Variants in PECR observed in about 807,000 individuals in gnomAD.
The protein encoded by PECR is peroxisomal trans-2-enoyl-CoA reductase.
Under a neutral mutation model 35.3 loss-of-function variants are expected in PECR, and 30 were observed. That is an observed-to-expected ratio of 0.85 (90% CI 0.64 to 1.15). The LOEUF is 1.15. PECR is among the 50% of genes most tolerant of loss of function. The pLI is 0.00. For missense variants in PECR, 392 were observed against 370.8 expected (o/e 1.06, Z -0.47); for synonymous variants, 148 against 138.9 (o/e 1.07, Z -0.46).
chr2:216,029,553 T>TC (rs1694648547), intron 7 of PECR, among the ~76,000 whole-genome samples: 1 of 152,142 alleles, frequency 6.6e-6, no homozygotes, highest in Admixed American at 6.5e-5. Context: ...CTTATGCACC[T>TC]CCCCCTGCCT....
At chr2:216,060,310 A>G (rs1421476133) in intron 3 of PECR, among the ~76,000 whole-genome samples, 1 of 152,132 alleles carries the variant, frequency 6.6e-6, no homozygotes, top group Non-Finnish European at 1.5e-5. Context: ...GAAAATGTCT[A>G]CAAGTAATGA....
chr2:216,079,978 T>A (rs1385347927), intron 1 of PECR, among the ~76,000 whole-genome samples: 2 of 141,970 alleles, frequency 1.4e-5, no homozygotes, highest in African/African-American at 2.6e-5. Context: ...CGAAACTCCA[T>A]CTCAAAAAAA....
intron 5 of PECR, 50 bp from the exon 6 acceptor site, chr2:216,049,423 T>G (rs1357086900): frequency 4.9e-6 from 4 of 809,752 alleles, no homozygotes; most frequent in South Asian, 1.5e-5. Flanking sequence ...TATATTAAAT[T>G]TTAATTATAA....
At chr2:216,073,899 CAGA>C (rs1266054761) in intron 1 of PECR, among the ~76,000 whole-genome samples, 3 of 152,290 alleles carry the variant, frequency 2.0e-5, no homozygotes, top group East Asian at 1.9e-4. Flanking sequence ...ATGTATTTCT[CAGA>C]AGATTTCCCT....
chr2:216,075,938 T>G (rs951302073), intron 1 of PECR, among the ~76,000 whole-genome samples: 11 of 152,204 alleles, frequency 7.2e-5, no homozygotes, highest in Admixed American at 6.5e-4. Context: ...AATGATTAAC[T>G]TGAAGATAAA....
intron 4 of PECR, among the ~76,000 whole-genome samples, chr2:216,055,005 G>A (rs1559212357): frequency 6.6e-6 from 1 of 151,790 alleles, no homozygotes; most frequent in East Asian, 1.9e-4. Flanking sequence ...CCAGCTACAT[G>A]GGAGGCTGAG....
chr2:216,035,286 C>T (rs552831109), downstream of PECR, among the ~76,000 whole-genome samples: 1 of 152,280 alleles, frequency 6.6e-6, no homozygotes, highest in East Asian at 1.9e-4. Context: ...AGCTTCCCAG[C>T]ACCTCCCTCA....
At chr2:216,059,329 A>C (rs1396881443) in intron 3 of PECR, among the ~76,000 whole-genome samples, 7 of 152,218 alleles carry the variant, frequency 4.6e-5, no homozygotes, top group African/African-American at 1.7e-4. Flanking sequence ...CGAAAATCTA[A>C]TGTAAAGTGA....
In PECR at chr2:216,066,437, G is replaced by C. The variant is rs763611417; in HGVS notation, c.206C>G (p.Thr69Arg). Reference protein sequence around the residue: ...ADELQANLPPTKQARVIPIQC... With the variant: ...ADELQANLPPRKQARVIPIQC... ...TATGGGAATGACTCGTGCCTGCTTT[G>C]TGGGAGGTAGGTTGGCCTGCAGTTC... Residue 69 changes from threonine to arginine, a missense_variant, in exon 2 of 8, where the codon ACA becomes AGA. Coordinates refer to ENST00000265322, the MANE Select transcript of PECR (RefSeq NM_018441.6). 3 of 1,613,534 alleles carry C rather than the reference G, an allele frequency of 1.9e-6. No individual in the cohort carries two copies. The Admixed American group carries it at 5.0e-5, about 27-fold the overall frequency.
intron 4 of PECR, chr2:216,057,953 C>A (rs1227155254): frequency 2.6e-5 from 4 of 152,148 alleles, no homozygotes; most frequent in Admixed American, 2.6e-4. Context: ...AGAGTGTTGA[C>A]CTGTAACTCT....
At chr2:216,067,691 C>T (rs759513578) in intron 1 of PECR, among the ~76,000 whole-genome samples, 9 of 151,766 alleles carry the variant, frequency 5.9e-5, no homozygotes, top group African/African-American at 9.7e-5. Context: ...CAAGTAGCTG[C>T]GACTACAGGC....
chr2:216,045,783 CT>C (rs1165380515), intron 6 of PECR, among the ~76,000 whole-genome samples: 3 of 152,388 alleles, frequency 2.0e-5, no homozygotes, highest in South Asian at 4.1e-4. Flanking sequence ...CAAAAAGAGA[CT>C]TGCTCCAATG....
chr2:216,044,626 T>C (rs1210107630), intron 6 of PECR, among the ~76,000 whole-genome samples: 1 of 152,000 alleles, frequency 6.6e-6, no homozygotes, highest in Non-Finnish European at 1.5e-5. Context: ...TGCGTGGGCC[T>C]AAGAGGTTGC....
chr2:216,041,365 A>C (rs1694883725), intron 7 of PECR, among the ~76,000 whole-genome samples: 1 of 152,170 alleles, frequency 6.6e-6, no homozygotes, highest in African/African-American at 2.4e-5. Flanking sequence ...TTTTTTCAGA[A>C]AACAATATGG....
At chr2:216,041,344 C>G (rs1238555182) in intron 7 of PECR, among the ~76,000 whole-genome samples, 1 of 152,144 alleles carries the variant, frequency 6.6e-6, no homozygotes, top group Non-Finnish European at 1.5e-5. Flanking sequence ...TCCACCCTCA[C>G]TACTTGGAAT....
intron 1 of PECR, among the ~76,000 whole-genome samples, chr2:216,072,834 G>A (rs1254432104): frequency 6.6e-6 from 1 of 152,162 alleles, no homozygotes; most frequent in African/African-American, 2.4e-5. Flanking sequence ...ACATACTAGA[G>A]CAGGTGTCTT....
At chr2:216,046,328 T>TA (rs1694995265) in intron 6 of PECR, among the ~76,000 whole-genome samples, 1 of 142,036 alleles carries the variant, frequency 7.0e-6, no homozygotes, top group Non-Finnish European at 1.5e-5. Flanking sequence ...TTTTTTTTTT[T>TA]TTGAGAAGGC....
Position 216,043,933 on chromosome 2 carries a change from C to T in PECR, c.797G>A (p.Ser266Asn). The change falls in exon 7 of 8, where the codon AGT becomes AAT. Residue 266 changes from serine to asparagine, a missense_variant. Physicochemically the swap from Ser to Asn is conservative, Grantham distance 46. Transcript: ENST00000265322. ...TACCTCATACGAGTGAGTATAGAGACTCCGGCCCCCATCCACATCCACCGA... is the reference window on the plus strand; with the variant it reads ...TACCTCATACGAGTGAGTATAGAGATTCCGGCCCCCATCCACATCCACCGA... ...GQSVDVDGGR[S>N]LYTHSYEVPD... 1 of 1,608,736 alleles carries T rather than the reference C, an allele frequency of 6.2e-7. No individual in the cohort carries two copies. Among genetic ancestry groups the T allele is most frequent in the South Asian group, 1.1e-5 (1 of 90,980 alleles).
rs186408562 is a variant in PECR, at chr2:216,073,686, T to A, written c.125-7168A>T. ...AATACCATATTTTTATTATATCTTT[T>A]GTATGTTTAGATATGTTTAGACCAC... On this transcript the variant is annotated intron_variant, in intron 1 of 7. Coordinates refer to ENST00000265322, the MANE Select transcript of PECR (RefSeq NM_018441.6). 1.6e-3 allele frequency among the ~76,000 whole-genome samples: 238 copies of A among 152,294 alleles called. 1 individual carries two copies. The highest frequency in any genetic ancestry group is 5.1e-3 in the African/African-American group (212 of 41,560).
Sources: allele counts gnomAD v4.1 joint callset (sites outside exome capture counted in the v4.1 genomes callset), GRCh38; gene constraint gnomAD v4.1.1; transcripts MANE v1.5; gene names NCBI Gene and HGNC (gene_info 2026-07-23, HGNC 2026-07-21).